The following PDGFC variants were observed in gnomAD, a reference collection of about 807,000 sequenced individuals.
The protein encoded by PDGFC is platelet derived growth factor C.
PDGFC carries 12 observed loss-of-function variants against 35.5 expected under a neutral mutation model. The ratio of observed to expected loss-of-function variants is 0.34; its 90% confidence interval spans 0.22 to 0.55. The LOEUF is 0.55. Ranked by LOEUF, PDGFC falls within the 20% of genes least tolerant of loss-of-function variation. The pLI is 0.91. For missense variants in PDGFC, 322 were observed against 412.4 expected (o/e 0.78, Z 1.90); for synonymous variants, 159 against 148.8 (o/e 1.07, Z -0.50).
At chr4:156,851,653 T>A (rs1729455417) in intron 1 of PDGFC, among the ~76,000 whole-genome samples, 1 of 151,954 alleles carries the variant, frequency 6.6e-6, no homozygotes, top group Admixed American at 6.6e-5. Flanking sequence ...GCCATAAAAA[T>A]CCATGTAAGG....
intron 2 of PDGFC, among the ~76,000 whole-genome samples, chr4:156,848,783 T>C (rs563116800): frequency 1.3e-5 from 2 of 152,094 alleles, no homozygotes; most frequent in Non-Finnish European, 2.9e-5. Flanking sequence ...ACAATGATTA[T>C]ATTTGCAGTG....
intron 1 of PDGFC, among the ~76,000 whole-genome samples, chr4:156,915,752 G>C (rs908024628): frequency 6.6e-6 from 1 of 152,070 alleles, no homozygotes; most frequent in African/African-American, 2.4e-5. Context: ...CTGCACTCCA[G>C]CCTGGGCAAC....
intron 3 of PDGFC, among the ~76,000 whole-genome samples, chr4:156,776,406 G>A (rs1364010397): frequency 6.6e-6 from 1 of 152,128 alleles, no homozygotes; most frequent in South Asian, 2.1e-4. Flanking sequence ...ACAATTTAGT[G>A]GATAGCAATG....
chr4:156,773,004 A>G, intron 3 of PDGFC, 111 bp from the exon 4 acceptor site: 1 of 678,142 alleles, frequency 1.5e-6, no homozygotes, highest in South Asian at 1.8e-5. Context: ...GTGAAGGGAA[A>G]TTGTATTGAA....
intron 1 of PDGFC, among the ~76,000 whole-genome samples, chr4:156,898,936 C>T (rs1309557912): frequency 6.6e-6 from 1 of 152,204 alleles, no homozygotes; most frequent in African/African-American, 2.4e-5. Flanking sequence ...GGATTACAGG[C>T]ATGAGTCACT....
At chr4:156,790,001 A>C (rs866171811) in intron 3 of PDGFC, among the ~76,000 whole-genome samples, 20 of 147,316 alleles carry the variant, frequency 1.4e-4, no homozygotes, top group South Asian at 4.4e-4. Context: ...AAAAAAAAGA[A>C]AGAATACTTT....
At chr4:156,886,684 T>TCG (rs1730384663) in intron 1 of PDGFC, 2 of 152,330 alleles carry the variant, frequency 1.3e-5, no homozygotes, top group Admixed American at 1.3e-4. Flanking sequence ...AACAGAATCA[T>TCG]AAGATCTGAC....
chr4:156,770,897 G>A (rs1730677202), intron 4 of PDGFC, among the ~76,000 whole-genome samples: 1 of 152,132 alleles, frequency 6.6e-6, no homozygotes. Flanking sequence ...TGTTTATTCT[G>A]TGGGAAATCT....
intron 1 of PDGFC, chr4:156,967,895 G>C (rs529165968): frequency 1.3e-5 from 2 of 152,298 alleles, no homozygotes; most frequent in African/African-American, 4.8e-5. Context: ...AAGTGAGACA[G>C]GGTCAGAAGT....
chr4:156,923,356 T>C (rs542557448), intron 1 of PDGFC, among the ~76,000 whole-genome samples: 1 of 152,290 alleles, frequency 6.6e-6, no homozygotes, highest in Non-Finnish European at 1.5e-5. Context: ...CCTTTGAGCC[T>C]TAAGAGAAAT....
chr4:156,837,974 A>ATT (rs34610935), intron 2 of PDGFC, among the ~76,000 whole-genome samples: 8 of 147,862 alleles, frequency 5.4e-5, no homozygotes, highest in African/African-American at 1.7e-4. Context: ...CTTGGGAATG[A>ATT]TTTTTTTTTT....
At chr4:156,947,979 G>A (rs1731986927) in intron 1 of PDGFC, among the ~76,000 whole-genome samples, 1 of 151,978 alleles carries the variant, frequency 6.6e-6, no homozygotes, top group Non-Finnish European at 1.5e-5. Context: ...CTCAATAAGT[G>A]TGAATAGCAA....
chr4:156,921,193 A>G (rs1579100707), intron 1 of PDGFC, among the ~76,000 whole-genome samples: 1 of 152,238 alleles, frequency 6.6e-6, no homozygotes, highest in East Asian at 1.9e-4. Context: ...TCTACAATCT[A>G]TAAATGCTTT....
intron 1 of PDGFC, among the ~76,000 whole-genome samples, chr4:156,901,595 C>CATTATTATTATT (rs111503240): frequency 9.3e-5 from 14 of 150,448 alleles, no homozygotes; most frequent in South Asian, 6.4e-4. Context: ...GTATCTATTT[C>CATTATTATTATT]ATTATTATTA....
At chr4:156,881,546 TA>T (rs914052937) in intron 1 of PDGFC, among the ~76,000 whole-genome samples, 1 of 152,058 alleles carries the variant, frequency 6.6e-6, no homozygotes, top group Non-Finnish European at 1.5e-5. Context: ...TGATAAGCAA[TA>T]ACTCTCACAA....
chr4:156,817,167 AATAT>A (rs1440200837), intron 2 of PDGFC, among the ~76,000 whole-genome samples: 1 of 152,178 alleles, frequency 6.6e-6, no homozygotes, highest in African/African-American at 2.4e-5. Context: ...AAAAACTACA[AATAT>A]ATAAACCATG....
chr4:156,967,215 A>T (rs1445164570), intron 1 of PDGFC: 2 of 152,156 alleles, frequency 1.3e-5, no homozygotes, highest in Admixed American at 1.3e-4. Flanking sequence ...TGAAGCTGCC[A>T]CCTAAAAATG....
chr4:156,808,904 A>G (rs1362185575), intron 3 of PDGFC, among the ~76,000 whole-genome samples: 1 of 152,054 alleles, frequency 6.6e-6, no homozygotes, highest in East Asian at 1.9e-4. Context: ...CACAGAAAAA[A>G]CAAAGCTTGT....
intron 3 of PDGFC, among the ~76,000 whole-genome samples, chr4:156,801,689 A>C (rs1246045727): frequency 6.6e-6 from 1 of 152,198 alleles, no homozygotes; most frequent in Non-Finnish European, 1.5e-5. Flanking sequence ...TATGCACATC[A>C]ATATATGAAT....
Sources: allele counts gnomAD v4.1 joint callset (sites outside exome capture counted in the v4.1 genomes callset), GRCh38; gene constraint gnomAD v4.1.1; transcripts MANE v1.5; gene names NCBI Gene and HGNC (gene_info 2026-07-23, HGNC 2026-07-21).